TANC2: variants seen among roughly 807,000 people sequenced by gnomAD.
The protein encoded by TANC2 is protein TANC2.
TANC2 carries 26 observed loss-of-function variants against 210.5 expected under a neutral mutation model. The observed-to-expected ratio is 0.12, with a 90% CI of 0.09 to 0.17. TANC2 has a LOEUF of 0.17. Among genes scored for constraint, TANC2 ranks in the 10% least tolerant of loss-of-function variants. TANC2 has a pLI of 1.00. For missense variants in TANC2, 2,129 were observed against 2,608.9 expected, an observed-to-expected ratio of 0.82 and a Z score of 4.01; for synonymous variants, 931 against 967.1, an observed-to-expected ratio of 0.96 and a Z score of 0.69.
At chr17:63,208,422 A>G (rs774146385) in intron 7 of TANC2, among the ~76,000 whole-genome samples, 6 of 152,152 alleles carry the variant, frequency 3.9e-5, no homozygotes, top group Admixed American at 2.0e-4. Context: ...CTTAATTACA[A>G]CCGCTATAAG....
intron 14 of TANC2, among the ~76,000 whole-genome samples, chr17:63,373,387 C>A (rs1341830592): frequency 1.3e-5 from 2 of 152,118 alleles, no homozygotes; most frequent in Non-Finnish European, 2.9e-5. Context: ...TTATACTATA[C>A]AAATGAGTAT....
intron 7 of TANC2, among the ~76,000 whole-genome samples, chr17:63,210,180 AAGGCTGACTCTC>A (rs1421217346): frequency 6.6e-6 from 1 of 152,124 alleles, no homozygotes; most frequent in Non-Finnish European, 1.5e-5. Context: ...AATACTCCCC[AAGGCTGACTCTC>A]AGCCTTTCTA....
At chr17:63,220,572 C>T (rs1457910531) in intron 7 of TANC2, among the ~76,000 whole-genome samples, 3 of 150,996 alleles carry the variant, frequency 2.0e-5, no homozygotes, top group Admixed American at 1.3e-4. Flanking sequence ...GGTGTGGTAG[C>T]GCGTGTCTCT....
chr17:63,113,423 T>A (rs1006829794), intron 4 of TANC2, among the ~76,000 whole-genome samples: 3 of 152,218 alleles, frequency 2.0e-5, no homozygotes, highest in African/African-American at 7.2e-5. Context: ...CTTTCTTAAT[T>A]GTAAATGCGC....
chr17:63,380,592 C>T lies in TANC2; in HGVS notation c.2691+766C>T, dbSNP rs949789871. ...AAGTTACTGTGCTAATTTTTCTGTC[C>T]CACAGTCTGAGAGTTCCAATCCCTA... On this transcript the variant is annotated intron_variant, in intron 15 of 27. Transcript: ENST00000689528. 2.0e-5 allele frequency among the ~76,000 whole-genome samples: 3 copies of T among 152,156 alleles called. No homozygotes were observed. In the South Asian group the frequency reaches 6.2e-4, roughly 32 times the overall value.
chr17:63,291,980 C>G (rs2044396045), intron 9 of TANC2, among the ~76,000 whole-genome samples: 1 of 152,072 alleles, frequency 6.6e-6, no homozygotes, highest in Non-Finnish European at 1.5e-5. Flanking sequence ...CTTGGAAGAC[C>G]AGACAGATGG....
chr17:63,058,276 G>C (rs536673519), intron 2 of TANC2, among the ~76,000 whole-genome samples: 1 of 152,022 alleles, frequency 6.6e-6, no homozygotes, highest in East Asian at 1.9e-4. Context: ...ACTTTTTAAT[G>C]GGGTTGTTTG....
intron 7 of TANC2, among the ~76,000 whole-genome samples, chr17:63,230,237 G>A (rs754991114): frequency 1.3e-5 from 2 of 151,966 alleles, no homozygotes; most frequent in Non-Finnish European, 2.9e-5. Flanking sequence ...AACAGCTCCT[G>A]GATTTGTTGA....
intron 1 of TANC2, among the ~76,000 whole-genome samples, chr17:62,985,323 T>G (rs1315151802): frequency 6.6e-6 from 1 of 152,186 alleles, no homozygotes; most frequent in Non-Finnish European, 1.5e-5. Context: ...TCTTTTACTT[T>G]TGACAATTTG....
intron 5 of TANC2, among the ~76,000 whole-genome samples, chr17:63,175,887 G>A (rs1158910125): frequency 6.6e-6 from 1 of 152,162 alleles, no homozygotes; most frequent in African/African-American, 2.4e-5. Flanking sequence ...TTTTAAAATG[G>A]ATGAAATATT....
chr17:63,401,014 T>A (rs2048328113), intron 19 of TANC2, among the ~76,000 whole-genome samples: 1 of 152,168 alleles, frequency 6.6e-6, no homozygotes, highest in Non-Finnish European at 1.5e-5. Flanking sequence ...TGGAAAATAA[T>A]GTTTATTATG....
chr17:63,217,643 A>G (rs2042058222), intron 7 of TANC2, among the ~76,000 whole-genome samples: 1 of 152,176 alleles, frequency 6.6e-6, no homozygotes, highest in Non-Finnish European at 1.5e-5. Flanking sequence ...TTGACAGGTA[A>G]ATTCAACCAA....
intron 5 of TANC2, among the ~76,000 whole-genome samples, chr17:63,174,255 C>G (rs935731176): frequency 3.3e-5 from 5 of 152,188 alleles, no homozygotes; most frequent in South Asian, 2.1e-4. Flanking sequence ...CAATTCTTTA[C>G]AGTACTTCTA....
intron 15 of TANC2, chr17:63,388,233 A>G (rs1486816839): frequency 6.5e-6 from 1 of 154,598 alleles, no homozygotes; most frequent in African/African-American, 2.4e-5. Flanking sequence ...GGAGCCTGGG[A>G]AATAGAGTTT....
At chr17:63,089,077 T>TA (rs2144786734) in intron 3 of TANC2, 1 of 152,344 alleles carries the variant, frequency 6.6e-6, no homozygotes, top group African/African-American at 2.4e-5. Flanking sequence ...TGTCTGCTAT[T>TA]ACTACTGTTC....
intron 11 of TANC2, among the ~76,000 whole-genome samples, chr17:63,319,866 T>C (rs942402837): frequency 6.6e-6 from 1 of 152,176 alleles, no homozygotes. Flanking sequence ...CCACCCATCT[T>C]CTCTCCACAG....
chr17:63,190,989 G>T (rs1471319384), intron 5 of TANC2, among the ~76,000 whole-genome samples: 2 of 151,984 alleles, frequency 1.3e-5, no homozygotes, highest in Non-Finnish European at 2.9e-5. Context: ...ATTGTTAATT[G>T]TAATGAGGGG....
At chr17:63,247,290 AT>A (rs1417955905) in intron 8 of TANC2, among the ~76,000 whole-genome samples, 1 of 151,550 alleles carries the variant, frequency 6.6e-6, no homozygotes, top group Non-Finnish European at 1.5e-5. Flanking sequence ...CAATTTGTCA[AT>A]TTTTTTTCTG....
At chr17:63,110,565 A>G (rs2037997582) in intron 4 of TANC2, among the ~76,000 whole-genome samples, 1 of 148,090 alleles carries the variant, frequency 6.8e-6, no homozygotes. Context: ...TGCTTCCAAG[A>G]TAACACCTTG....
Sources: allele counts gnomAD v4.1 joint callset (sites outside exome capture counted in the v4.1 genomes callset), GRCh38; gene constraint gnomAD v4.1.1; transcripts MANE v1.5; gene names NCBI Gene and HGNC (gene_info 2026-07-23, HGNC 2026-07-21).